KIAA1671: variants seen among roughly 807,000 people sequenced by gnomAD.
The protein encoded by KIAA1671 is KIAA1671.
A neutral mutation model predicts 131.2 loss-of-function variants in KIAA1671; 52 were observed. That is an observed-to-expected ratio of 0.40 (90% CI 0.32 to 0.50). KIAA1671 has a LOEUF of 0.50. Ranked by LOEUF, KIAA1671 falls within the 20% of genes least tolerant of loss-of-function variation. The pLI is 0.73. For synonymous variants in KIAA1671, 1,003 were observed against 961.6 expected (o/e 1.04, Z -0.80); for missense variants, 2,360 against 2,364.2 (o/e 1.00, Z 0.04).
At chr22:25,056,013 G>A (rs1238230196) in intron 6 of KIAA1671, 2 of 146,940 alleles carry the variant, frequency 1.4e-5, no homozygotes, top group African/African-American at 2.5e-5. Context: ...GTGCCACCAT[G>A]CCCAGCTAAT....
Position 25,195,206 on chromosome 22 carries a change from C to T in KIAA1671, c.*2805C>T, listed in dbSNP as rs568346073. The T allele has an allele frequency of 6.6e-6, 1 of 152,324 alleles. No homozygotes were observed. Among genetic ancestry groups the T allele is most frequent in the East Asian group, 1.9e-4 (1 of 5,178 alleles). The allele number at this position is 152,324 out of a possible 1,614,324, so 9.4% of individuals were successfully genotyped here. ...CTCTTCCTCCTCACCTCCACCACCC[C>T]TTTGCACATCAGCATTTTAACAGCT... On this transcript the variant is annotated 3_prime_UTR_variant, in exon 13 of 13. Coordinates refer to ENST00000358431, the MANE Select transcript of KIAA1671 (RefSeq NM_001145206.2).
intron 1 of KIAA1671, among the ~76,000 whole-genome samples, chr22:24,987,742 C>T (rs1282872698): frequency 6.6e-6 from 1 of 152,208 alleles, no homozygotes; most frequent in Non-Finnish European, 1.5e-5. Context: ...CAGGTGTGCA[C>T]CACCAATCCT....
At chr22:25,110,342 C>A (rs573702360) in intron 6 of KIAA1671, among the ~76,000 whole-genome samples, 1 of 152,104 alleles carries the variant, frequency 6.6e-6, no homozygotes, top group African/African-American at 2.4e-5. Context: ...GCATTCTGAG[C>A]GACCTGGGTT....
chr22:25,067,888 C>T (rs1411038465), intron 6 of KIAA1671, among the ~76,000 whole-genome samples: 2 of 152,256 alleles, frequency 1.3e-5, no homozygotes, highest in Non-Finnish European at 2.9e-5. Context: ...TTCTATTAAT[C>T]CCTCAGTTAG....
chr22:24,956,305 G>A (rs1921697419), intron 1 of KIAA1671, among the ~76,000 whole-genome samples: 1 of 152,164 alleles, frequency 6.6e-6, no homozygotes, highest in South Asian at 2.1e-4. Flanking sequence ...TTCAGGGGTA[G>A]GTATAAAACA....
At chr22:25,176,335 A>G (rs1934026207) in intron 8 of KIAA1671, 1 of 152,218 alleles carries the variant, frequency 6.6e-6, no homozygotes, top group Admixed American at 6.5e-5. Context: ...TTAGCCTGTC[A>G]TCACTGACTT....
At chr22:24,993,851 G>A (rs961412577) in intron 1 of KIAA1671, among the ~76,000 whole-genome samples, 4 of 152,124 alleles carry the variant, frequency 2.6e-5, no homozygotes, top group African/African-American at 9.7e-5. Flanking sequence ...AGCCAAGGCA[G>A]TTGGATCACT....
intron 6 of KIAA1671, among the ~76,000 whole-genome samples, chr22:25,093,824 T>TCTCTCTCTCTCTCTCTCTCTC (rs1555877745): frequency 9.1e-5 from 2 of 21,922 alleles, no homozygotes; most frequent in Non-Finnish European, 1.7e-4. Flanking sequence ...CTCTCTCTCT[T>TCTCTCTCTCTCTCTCTCTCTC]TCTCTCTCTG....
intron 6 of KIAA1671, among the ~76,000 whole-genome samples, chr22:25,143,092 G>A (rs761811038): frequency 2.0e-5 from 3 of 152,164 alleles, no homozygotes; most frequent in Admixed American, 6.5e-5. Flanking sequence ...CTTTTCCCAC[G>A]TCTATTTACT....
intron 1 of KIAA1671, among the ~76,000 whole-genome samples, chr22:24,976,804 T>C (rs1341275504): frequency 6.6e-6 from 1 of 152,108 alleles, no homozygotes; most frequent in Non-Finnish European, 1.5e-5. Flanking sequence ...TTGGGGTGCT[T>C]GGGCTGGGAA....
chr22:24,992,834 A>AAAAAAC (rs1423723587), intron 1 of KIAA1671, among the ~76,000 whole-genome samples: 1 of 151,396 alleles, frequency 6.6e-6, no homozygotes, highest in African/African-American at 2.4e-5. Context: ...AAAAAAAAAA[A>AAAAAAC]AAAAGACAAT....
At chr22:25,136,716 G>C (rs566038788) in intron 6 of KIAA1671, among the ~76,000 whole-genome samples, 1 of 152,346 alleles carries the variant, frequency 6.6e-6, no homozygotes, top group Admixed American at 6.5e-5. Flanking sequence ...TATCCTGGAG[G>C]AGATGGAGCT....
intron 6 of KIAA1671, among the ~76,000 whole-genome samples, chr22:25,073,426 A>G (rs1030957266): frequency 6.6e-6 from 1 of 152,208 alleles, no homozygotes; most frequent in Non-Finnish European, 1.5e-5. Context: ...AAAGTGTGCA[A>G]CCAGATGTTT....
chr22:25,075,372 A>G (rs1473713257), intron 6 of KIAA1671, among the ~76,000 whole-genome samples: 1 of 152,120 alleles, frequency 6.6e-6, no homozygotes, highest in Non-Finnish European at 1.5e-5. Context: ...TACTTTCACC[A>G]GTTTTGTCAC....
At chr22:25,007,703 C>T (rs983210157) in intron 1 of KIAA1671, among the ~76,000 whole-genome samples, 2 of 152,062 alleles carry the variant, frequency 1.3e-5, no homozygotes, top group African/African-American at 4.8e-5. Context: ...ATGGCAACCA[C>T]CTGATGACCT....
chr22:24,966,377 C>T (rs1339314684), intron 1 of KIAA1671, among the ~76,000 whole-genome samples: 4 of 152,212 alleles, frequency 2.6e-5, no homozygotes, highest in Admixed American at 6.5e-5. Context: ...TGTACACTCA[C>T]ACCACCTGGC....
chr22:25,152,622 C>T (rs1377755819), intron 6 of KIAA1671, among the ~76,000 whole-genome samples: 3 of 152,158 alleles, frequency 2.0e-5, no homozygotes, highest in Admixed American at 6.5e-5. Context: ...TACCAATGCA[C>T]CTGGGTGAGT....
At chr22:25,144,633 A>G (rs1272273591) in intron 6 of KIAA1671, among the ~76,000 whole-genome samples, 1 of 152,174 alleles carries the variant, frequency 6.6e-6, no homozygotes, top group Non-Finnish European at 1.5e-5. Context: ...CAAACCCTAA[A>G]CAAATATTTG....
intron 6 of KIAA1671, among the ~76,000 whole-genome samples, chr22:25,115,164 T>A (rs1931588127): frequency 6.6e-6 from 1 of 152,200 alleles, no homozygotes; most frequent in African/African-American, 2.4e-5. Flanking sequence ...GGCACGTTTA[T>A]GCTGCACTCC....
Sources: allele counts gnomAD v4.1 joint callset (sites outside exome capture counted in the v4.1 genomes callset), GRCh38; gene constraint gnomAD v4.1.1; transcripts MANE v1.5; gene names NCBI Gene and HGNC (gene_info 2026-07-23, HGNC 2026-07-21).